ZFP28: variants seen among roughly 807,000 people sequenced by gnomAD.
ZFP28 encodes the protein zinc finger protein 28 homolog.
In ZFP28, 31 loss-of-function variants were observed where a neutral mutation model predicts 39.5. The ratio of observed to expected loss-of-function variants is 0.79; its 90% confidence interval spans 0.59 to 1.06. The LOEUF is 1.06. Among genes scored for constraint, ZFP28 ranks in the 50% least tolerant of loss-of-function variants. The pLI is 0.00. For synonymous variants in ZFP28, 400 were observed against 378.6 expected, an observed-to-expected ratio of 1.06 and a Z score of -0.66; for missense variants, 925 against 1,048.4, an observed-to-expected ratio of 0.88 and a Z score of 1.63.
upstream of ZFP28, chr19:56,538,908 G>C: frequency 1.0e-6 from 1 of 996,788 alleles, no homozygotes; most frequent in Non-Finnish European, 1.3e-6. Context: ...TGGATGCCGG[G>C]CCATGGGGGA....
At position 56,550,451 on chromosome 19, in the gene ZFP28, T is replaced by A; in HGVS notation, c.803-59T>A. 4.2e-6 allele frequency: 6 copies of A among 1,429,218 alleles called. No homozygotes were observed. The South Asian group carries it at 6.1e-5, about 14-fold the overall frequency. 88.5% of individuals were successfully genotyped at this position (1,429,218 alleles called of 1,614,324 possible). A position where few individuals can be genotyped will look rare whatever the true frequency, so the allele number is the denominator to read the frequency against. The stretch of plus-strand genomic sequence containing the variant: ...CACTTTTCTATCAACAAGGAAGTGG[T>A]TCTCAATTTTAGGATGCCAAGACTA... On this transcript the variant is annotated intron_variant, in intron 6 of 7. Coordinates refer to ENST00000301318, the MANE Select transcript of ZFP28 (RefSeq NM_020828.2).
chr19:56,551,162 T>A, intron 7 of ZFP28: 2 of 994,770 alleles, frequency 2.0e-6, no homozygotes, highest in Non-Finnish European at 2.4e-6. Flanking sequence ...AAAGGAGATG[T>A]TGTTCCCAGT....
chr19:56,547,694 C>T lies in ZFP28; in HGVS notation c.427+60C>T. 1.9e-6 allele frequency: 3 copies of T among 1,583,636 alleles called. No homozygotes were observed. Among genetic ancestry groups the T allele is most frequent in the Non-Finnish European group, 2.6e-6 (3 of 1,164,244 alleles). On this transcript the variant is annotated intron_variant, in intron 3 of 7. Coordinates refer to ENST00000301318, the MANE Select transcript of ZFP28 (RefSeq NM_020828.2). The surrounding 1 kb of genome is among the most constrained non-coding windows in gnomAD (Gnocchi z 4.6). Reference sequence around the variant, plus strand: ...CTACCCACGTCCTGGACTAAGAAGCCTTTCATGCCTTTATCACCCAGACCT... The same window carrying T: ...CTACCCACGTCCTGGACTAAGAAGCTTTTCATGCCTTTATCACCCAGACCT...
chr19:56,539,037 G>C lies in ZFP28; in HGVS notation c.19G>C (p.Ala7Pro), dbSNP rs1384552863. 1 of 1,461,114 alleles carries C rather than the reference G, an allele frequency of 6.8e-7. No individual in the cohort carries two copies. Among genetic ancestry groups the C allele is most frequent in the Non-Finnish European group, 9.0e-7 (1 of 1,113,020 alleles). The allele number at this position is 1,461,114 out of a possible 1,614,324, so 90.5% of individuals were successfully genotyped here. A position where few individuals can be genotyped will look rare whatever the true frequency, so the allele number is the denominator to read the frequency against. Residue 7 changes from alanine (A) to proline (P), a missense_variant, in exon 1 of 8, where the codon GCG becomes CCG. Transcript: ENST00000301318. The part of the protein sequence containing the change: MRGAAS[A>P]SVREPTPLPG... The stretch of plus-strand genomic sequence containing the variant: ...GGGTGACATGCGGGGGGCGGCGAGC[G>C]CGAGTGTCCGCGAGCCGACGCCGCT...
At chr19:56,552,070 T>C in intron 7 of ZFP28, 1 of 758,688 alleles carries the variant, frequency 1.3e-6, no homozygotes, top group South Asian at 6.0e-5. Flanking sequence ...TATTTCATTT[T>C]TAATGACTAT....
At chr19:56,550,822 C>T in intron 7 of ZFP28, 3 of 1,492,508 alleles carry the variant, frequency 2.0e-6, no homozygotes, top group Non-Finnish European at 2.7e-6. Context: ...TCCTTCTTTT[C>T]TTGGCCACTG....
intron 4 of ZFP28, 96 bp from the exon 5 acceptor site, chr19:56,548,862 C>A: frequency 7.9e-7 from 1 of 1,267,334 alleles, no homozygotes; most frequent in Admixed American, 2.9e-5. Context: ...TGACTATATG[C>A]TTTTTTGTGG....
chr19:56,539,714 C>T lies in ZFP28; in HGVS notation c.298C>T (p.Gln100Ter). ...GTGIEPKAMS[Q>*]GLVTFGDVAV... ...AGGAATTGAACCTAAAGCCATGTCC[C>T]AGGTGAGTTGGCATTTCATCTCTTG... The change falls in exon 2 of 8, where the codon CAG (glutamine) becomes TAG (stop). Residue 100 changes from glutamine to a stop codon, truncating the protein, a stop_gained and splice_region_variant. Transcript: ENST00000301318. LOFTEE classifies it high-confidence loss of function. 6.2e-7 allele frequency: 1 copy of T among 1,613,870 alleles called. No homozygotes were observed. Among genetic ancestry groups the T allele is most frequent in the Non-Finnish European group, 8.5e-7 (1 of 1,179,856 alleles).
chr19:56,555,738 G>A lies in ZFP28; in HGVS notation c.*346G>A. 1 of 206,290 alleles carries A rather than the reference G, an allele frequency of 4.8e-6. No individual in the cohort carries two copies. The highest frequency in any genetic ancestry group is 1.2e-4 in the East Asian group (1 of 8,668). 12.8% of individuals were successfully genotyped at this position (206,290 alleles called of 1,614,324 possible). ...TCAGGAACAGAATTCTCCAGTAGTGGGTGAGGTTTTGCCTTTGTTGGTTTT... is the reference window on the plus strand; with the variant it reads ...TCAGGAACAGAATTCTCCAGTAGTGAGTGAGGTTTTGCCTTTGTTGGTTTT... On this transcript the variant is annotated 3_prime_UTR_variant, in exon 8 of 8. Coordinates refer to ENST00000301318, the MANE Select transcript of ZFP28 (RefSeq NM_020828.2).
At chr19:56,551,752 T>C in intron 7 of ZFP28, 1 of 984,250 alleles carries the variant, frequency 1.0e-6, no homozygotes, top group South Asian at 4.7e-5. Flanking sequence ...ATGAAAGAAG[T>C]TGAACATTTT....
chr19:56,539,865 G>A (rs1403890550), intron 2 of ZFP28, 149 bp downstream of exon 2: 7 of 672,136 alleles, frequency 1.0e-5, no homozygotes, highest in East Asian at 2.8e-5. Context: ...GATGGGCTAC[G>A]GGGAAAAGTT....
chr19:56,547,642 CTCCCACCCCTTT>C lies in ZFP28; in HGVS notation c.427+19_427+30del, dbSNP rs766444131. Reference sequence around the variant, plus strand: ...GGAACCTGGCATCGCTGGGTAAGGGCTCCCACCCCTTTTCCCACCCCTCACCCTACCCACGTC... The same window carrying C: ...GGAACCTGGCATCGCTGGGTAAGGGCTCCCACCCCTCACCCTACCCACGTC... On this transcript the variant is annotated intron_variant, in intron 3 of 7. Transcript: ENST00000301318. This position sits in a 1 kb window ranked among gnomAD's most constrained non-coding sequence, Gnocchi z 4.6. The C allele has an allele frequency of 1.2e-5, 19 of 1,602,940 alleles. No individual in the cohort carries two copies. In the East Asian group the frequency reaches 1.3e-4, roughly 11 times the overall value.
In ZFP28 at chr19:56,547,232, G is replaced by A. The variant is rs1468835834; in HGVS notation, c.301-276G>A. On this transcript the variant is annotated intron_variant, in intron 2 of 7. Transcript: ENST00000301318. This position sits in a 1 kb window ranked among gnomAD's most constrained non-coding sequence, Gnocchi z 4.6. The stretch of plus-strand genomic sequence containing the variant: ...GGCCGTCTTCTCTCTGTGTCCTCAC[G>A]TGGTCTTTTCCCTGTGCCTGCACAC... The A allele has an allele frequency of 1.8e-5, 7 of 386,006 alleles. No homozygotes were observed. Among genetic ancestry groups the A allele is most frequent in the East Asian group, 5.0e-5 (1 of 20,166 alleles). The allele number at this position is 386,006 out of a possible 1,614,324, so 23.9% of individuals were successfully genotyped here.
In ZFP28 at chr19:56,550,144, T is replaced by C; in HGVS notation, c.765T>C (p.Asn255=). 6.2e-7 allele frequency: 1 copy of C among 1,612,896 alleles called. No homozygotes were observed. The highest frequency in any genetic ancestry group is 8.5e-7 in the Non-Finnish European group (1 of 1,179,610). Residue 255 remains asparagine, a synonymous_variant, in exon 6 of 8, where the codon AAT becomes AAC. Transcript: ENST00000301318. ...CAGCTCAGAAGAATTTCTGTAAGAA[T>C]GGGATATGGGAGAACAACAGTGACC... ...LHPAQKNFCK[N]GIWENNSDLG...
chr19:56,546,337 T>C lies in ZFP28; in HGVS notation c.301-1171T>C, dbSNP rs529541608. ...TCCTGGGATTAGAGTTGCAACTGAA[T>C]AGATGTTTAAAATACATTGGAACGT... is the stretch of plus-strand genomic sequence containing the variant. On this transcript the variant is annotated intron_variant, in intron 2 of 7. Coordinates refer to ENST00000301318, the MANE Select transcript of ZFP28 (RefSeq NM_020828.2). 9.8e-5 allele frequency: 15 copies of C among 152,330 alleles called. No individual in the cohort carries two copies. The South Asian group carries it at 2.9e-3, about 29-fold the overall frequency. The allele number at this position is 152,330 out of a possible 1,614,324, so 9.4% of individuals were successfully genotyped here. A position where few individuals can be genotyped will look rare whatever the true frequency, so the allele number is the denominator to read the frequency against.
chr19:56,541,151 G>T (rs965802785), intron 2 of ZFP28, among the ~76,000 whole-genome samples: 1 of 152,124 alleles, frequency 6.6e-6, no homozygotes, highest in Non-Finnish European at 1.5e-5. Flanking sequence ...AAGACAGCCT[G>T]TCCAGACCCG....
At chr19:56,548,640 T>A (rs1444441041) in intron 4 of ZFP28, among the ~76,000 whole-genome samples, 1 of 152,210 alleles carries the variant, frequency 6.6e-6, no homozygotes, top group African/African-American at 2.4e-5. Context: ...CTTTGTGAGC[T>A]CCCTTATCTC....
Position 56,555,419 on chromosome 19 carries a change from A to G in ZFP28, c.*27A>G, listed in dbSNP as rs747277691. The G allele has an allele frequency of 1.2e-4, 182 of 1,564,196 alleles. No individual in the cohort carries two copies. Among genetic ancestry groups the G allele is most frequent in the Middle Eastern group, 1.7e-4 (1 of 5,792 alleles). On this transcript the variant is annotated 3_prime_UTR_variant, in exon 8 of 8. Transcript: ENST00000301318. ...CTCGAGACGTCATTTCTGTTTGACTACTCCAGCAGTTTAAAACCCCATCTC... is the reference window on the plus strand; with the variant it reads ...CTCGAGACGTCATTTCTGTTTGACTGCTCCAGCAGTTTAAAACCCCATCTC...
Position 56,551,766 on chromosome 19 carries a change from G to A in ZFP28, c.898+1161G>A, listed in dbSNP as rs574665251. On this transcript the variant is annotated intron_variant, in intron 7 of 7. Transcript: ENST00000301318. ...TATGAAAGAAGTTGAACATTTTTTC[G>A]TAAATTTGGTTTTTCTCTTATCTTC... 116 of 984,002 alleles carry A rather than the reference G, an allele frequency of 1.2e-4. No homozygotes were observed. In the East Asian group the frequency reaches 3.2e-3, roughly 27 times the overall value. The allele number at this position is 984,002 out of a possible 1,614,324, so 61.0% of individuals were successfully genotyped here.
Sources: gnomAD v4.1 joint callset for allele counts (sites outside exome capture counted in the v4.1 genomes callset) on GRCh38, gnomAD v4.1.1 for gene constraint, Gnocchi (gnomAD v3.1) non-coding constraint, MANE v1.5 for transcripts, NCBI Gene and HGNC (gene_info 2026-07-23, HGNC 2026-07-21) for gene names.